Variants in NOP58 observed in about 807,000 individuals in gnomAD.
The protein encoded by NOP58 is NOP58 ribonucleoprotein.
A neutral mutation model predicts 71.2 loss-of-function variants in NOP58; 44 were observed. The observed-to-expected ratio is 0.62, with a 90% CI of 0.49 to 0.79. The LOEUF is 0.79. Ranked by LOEUF, NOP58 falls within the 30% of genes least tolerant of loss-of-function variation. The pLI is 0.00. For missense variants in NOP58, 538 were observed against 620.2 expected (o/e 0.87, Z 1.41); for synonymous variants, 228 against 200.3 (o/e 1.14, Z -1.17).
At chr2:202,273,634 A>G (rs1458106894) in intron 1 of NOP58, among the ~76,000 whole-genome samples, 2 of 152,222 alleles carry the variant, frequency 1.3e-5, no homozygotes, top group Non-Finnish European at 2.9e-5. Context: ...TTAAATGTCT[A>G]GGTCTTGCTT....
Position 202,273,660 on chromosome 2 carries a change from C to T in NOP58, c.46-1453C>T, listed in dbSNP as rs371953403. 2.0e-4 allele frequency among the ~76,000 whole-genome samples: 31 copies of T among 152,218 alleles called. No homozygotes were observed. The East Asian group carries it at 5.8e-3, about 28-fold the overall frequency. On this transcript the variant is annotated intron_variant, in intron 1 of 14. Coordinates refer to ENST00000264279, the MANE Select transcript of NOP58 (RefSeq NM_015934.5). ...GGTCTTGCTTCAAAACAATACAAGG[C>T]GGCTGGGTGTGTTGGCTCACGCCTG... is the stretch of plus-strand genomic sequence containing the variant.
At chr2:202,298,589 C>T (rs1004782380) in intron 12 of NOP58, among the ~76,000 whole-genome samples, 114 of 152,216 alleles carry the variant, frequency 7.5e-4, no homozygotes, top group African/African-American at 2.5e-3. Flanking sequence ...GCTGAGATCG[C>T]GCCCCTGCAC....
intron 2 of NOP58, among the ~76,000 whole-genome samples, chr2:202,276,990 A>T (rs1267379810): frequency 6.8e-6 from 1 of 147,770 alleles, no homozygotes; most frequent in Admixed American, 6.8e-5. Flanking sequence ...ATACAAAAAA[A>T]TTAGCCAGCC....
chr2:202,291,572 C>T (rs961243867), intron 8 of NOP58, among the ~76,000 whole-genome samples: 11 of 152,110 alleles, frequency 7.2e-5, no homozygotes, highest in Admixed American at 1.3e-4. Flanking sequence ...TTTGGAAGGC[C>T]GAGTCAGGGA....
At position 202,266,098 on chromosome 2, in the gene NOP58, CG is replaced by C. The variant is rs1421272312; in HGVS notation, c.45+115del. ...AGTAGCGTGGGTGCCTGTTATAGCC[CG>C]GGCTCTGGGAGGAGGGAGAAGGCCT... On this transcript the variant is annotated intron_variant, in intron 1 of 14. Coordinates refer to ENST00000264279, the MANE Select transcript of NOP58 (RefSeq NM_015934.5). 6.2e-6 allele frequency: 8 copies of C among 1,280,914 alleles called. No individual in the cohort carries two copies. The African/African-American group carries it at 1.0e-4, about 16-fold the overall frequency. 79.3% of individuals were successfully genotyped at this position (1,280,914 alleles called of 1,614,324 possible).
chr2:202,271,091 A>C (rs1055372225), intron 1 of NOP58, among the ~76,000 whole-genome samples: 25 of 152,032 alleles, frequency 1.6e-4, no homozygotes, highest in African/African-American at 6.0e-4. Flanking sequence ...CTCAAAAAAA[A>C]ACAAAAAAAG....
At chr2:202,303,241 T>G (rs1035381693) in intron 14 of NOP58, 145 bp from the exon 15 acceptor site, 1 of 1,362,694 alleles carries the variant, frequency 7.3e-7, no homozygotes, top group Non-Finnish European at 1.0e-6. Flanking sequence ...TAGAATTTAT[T>G]ACTAAAAATC....
intron 6 of NOP58, 131 bp downstream of exon 6, chr2:202,287,855 T>C (rs1688819462): frequency 3.0e-6 from 2 of 676,854 alleles, no homozygotes; most frequent in Admixed American, 2.6e-5. Context: ...CTCAAGCCTT[T>C]AATCCCAGCA....
At chr2:202,268,345 C>T (rs987853429) in intron 1 of NOP58, among the ~76,000 whole-genome samples, 1 of 151,898 alleles carries the variant, frequency 6.6e-6, no homozygotes, top group African/African-American at 2.4e-5. Context: ...CCAGCCTAAC[C>T]AACATGGTGA....
intron 9 of NOP58, chr2:202,293,274 AAG>A (rs1688934477): frequency 2.9e-6 from 1 of 345,644 alleles, no homozygotes; most frequent in Non-Finnish European, 5.5e-6. Context: ...ACTGTAGAGA[AAG>A]AAAAAAAAAA....
At chr2:202,270,786 C>A (rs1688500771) in intron 1 of NOP58, among the ~76,000 whole-genome samples, 1 of 151,916 alleles carries the variant, frequency 6.6e-6, no homozygotes, top group African/African-American at 2.4e-5. Context: ...CTCAAGCAAT[C>A]AATTAAAAAT....
At chr2:202,272,960 C>A (rs571650146) in intron 1 of NOP58, among the ~76,000 whole-genome samples, 101 of 152,136 alleles carry the variant, frequency 6.6e-4, no homozygotes, top group African/African-American at 2.3e-3. Context: ...CGGTGAAACC[C>A]CATCTCTACT....
Position 202,284,420 on chromosome 2 carries a change from G to A in NOP58, c.373G>A (p.Gly125Arg). 6.2e-7 allele frequency: 1 copy of A among 1,613,810 alleles called. No homozygotes were observed. Residue 125 changes from glycine (G) to arginine (R), a missense_variant, in exon 5 of 15, where the codon GGA becomes AGA. Physicochemically the swap from Gly to Arg is moderately radical, Grantham distance 125. Transcript: ENST00000264279. ...GAGAGGAATTCGTTCACAAATGGATGGATTAATCCCTGGGGTAGAACCACG... is the reference window on the plus strand; with the variant it reads ...GAGAGGAATTCGTTCACAAATGGATAGATTAATCCCTGGGGTAGAACCACG... ...LMRGIRSQMD[G>R]LIPGVEPREM...
chr2:202,299,283 T>A (rs1453133067), intron 12 of NOP58, among the ~76,000 whole-genome samples: 1 of 152,104 alleles, frequency 6.6e-6, no homozygotes, highest in Non-Finnish European at 1.5e-5. Context: ...AATAGTAAAA[T>A]CTTATAAGTG....
intron 9 of NOP58, among the ~76,000 whole-genome samples, chr2:202,294,792 A>C (rs1176942374): frequency 6.6e-6 from 1 of 151,992 alleles, no homozygotes. Flanking sequence ...GTGAAACCCC[A>C]TCTCTACTAA....
At chr2:202,281,164 C>T (rs1490393622) in intron 3 of NOP58, among the ~76,000 whole-genome samples, 3 of 146,504 alleles carry the variant, frequency 2.0e-5, no homozygotes, top group Non-Finnish European at 4.5e-5. Context: ...TGGAGTTTTG[C>T]TCTTGTCACT....
At chr2:202,289,978 G>A (rs1439172800) in intron 6 of NOP58, among the ~76,000 whole-genome samples, 2 of 151,428 alleles carry the variant, frequency 1.3e-5, no homozygotes, top group South Asian at 2.1e-4. Context: ...TTTTTGCGAC[G>A]GAATCTTGCT....
At chr2:202,291,056 A>G in intron 7 of NOP58, 69 bp from the exon 8 acceptor site, 1 of 1,353,448 alleles carries the variant, frequency 7.4e-7, no homozygotes. Flanking sequence ...TTTTCTTTTG[A>G]CTATTTGCTG....
intron 8 of NOP58, among the ~76,000 whole-genome samples, chr2:202,292,328 A>G (rs1260145814): frequency 6.6e-6 from 1 of 152,054 alleles, no homozygotes; most frequent in Non-Finnish European, 1.5e-5. Context: ...TACGCTGACT[A>G]AGATTTTCAG....
Sources: allele counts gnomAD v4.1 joint callset (sites outside exome capture counted in the v4.1 genomes callset), GRCh38; gene constraint gnomAD v4.1.1; transcripts MANE v1.5; gene names NCBI Gene and HGNC (gene_info 2026-07-23, HGNC 2026-07-21).